SOX5: variants seen among roughly 807,000 people sequenced by gnomAD.
The protein encoded by SOX5 is SRY-box transcription factor 5.
Under a neutral mutation model 92.0 loss-of-function variants are expected in SOX5, and 9 were observed. That is an observed-to-expected ratio of 0.10 (90% CI 0.06 to 0.17). The LOEUF (loss-of-function observed/expected upper bound fraction) is 0.17, where lower values mean the gene tolerates loss of function less well. SOX5 is among the 10% of genes least tolerant of loss of function. SOX5 has a pLI of 1.00. For synonymous variants in SOX5, 344 were observed against 336.3 expected (o/e 1.02, Z -0.25); for missense variants, 642 against 944.5 (o/e 0.68, Z 4.20).
chr12:24,415,694 C>T (rs984889482), intron 1 of SOX5, among the ~76,000 whole-genome samples: 2 of 152,212 alleles, frequency 1.3e-5, no homozygotes, highest in African/African-American at 4.8e-5. Context: ...CCTAATATTA[C>T]TGTCATAGAC....
intron 3 of SOX5, among the ~76,000 whole-genome samples, chr12:24,233,875 C>T (rs1963917324): frequency 6.6e-6 from 1 of 152,138 alleles, no homozygotes; most frequent in Admixed American, 6.5e-5. Context: ...CGAGGATGAA[C>T]AGATCAAAGA....
At chr12:23,912,976 G>C (rs1474927090) in intron 1 of SOX5, among the ~76,000 whole-genome samples, 3 of 152,028 alleles carry the variant, frequency 2.0e-5, no homozygotes, top group Admixed American at 6.6e-5. Context: ...CATTAAGTGG[G>C]TAAATTTTAT....
chr12:24,457,120 C>T (rs1411971145), intron 1 of SOX5, among the ~76,000 whole-genome samples: 2 of 152,140 alleles, frequency 1.3e-5, no homozygotes, highest in Non-Finnish European at 2.9e-5. Context: ...TATACAGTAA[C>T]ACATTCCAAA....
chr12:24,335,598 C>T (rs1164443613), intron 2 of SOX5, among the ~76,000 whole-genome samples: 1 of 152,068 alleles, frequency 6.6e-6, no homozygotes, highest in African/African-American at 2.4e-5. Flanking sequence ...AGGACCTTAA[C>T]GACCATGCTG....
Position 24,006,364 on chromosome 12 carries a change from T to A in SOX5, c.-1-110340A>T, listed in dbSNP as rs573462501. On this transcript the variant is annotated intron_variant, in intron 4 of 4. Coordinates refer to the SOX5 transcript ENST00000446891. ...TGGCAAAATGCATTTCTTCTTGTTG[T>A]CCTTACTTGTGGGGTTCCATTATCC... Among the ~76,000 whole-genome samples, 3 of 152,326 alleles carry A rather than the reference T, an allele frequency of 2.0e-5. 1 individual carries two copies. Among genetic ancestry groups the A allele is most frequent in the South Asian group, 4.1e-4 (2 of 4,828 alleles).
chr12:24,546,462 C>T (rs116925343), intron 1 of SOX5, among the ~76,000 whole-genome samples: 1 of 152,314 alleles, frequency 6.6e-6, no homozygotes, highest in Non-Finnish European at 1.5e-5. Flanking sequence ...CACACAGCCT[C>T]ATCTCGGCTA....
At chr12:24,075,489 A>G (rs1002904264) in intron 4 of SOX5, among the ~76,000 whole-genome samples, 3 of 152,098 alleles carry the variant, frequency 2.0e-5, no homozygotes, top group Non-Finnish European at 4.4e-5. Context: ...AAATGTAAAA[A>G]AATATTTAGT....
At chr12:23,991,756 T>A (rs990479305) in intron 4 of SOX5, among the ~76,000 whole-genome samples, 1 of 151,784 alleles carries the variant, frequency 6.6e-6, no homozygotes, top group Non-Finnish European at 1.5e-5. Flanking sequence ...GAGGTTTTTT[T>A]TTTTTTTACT....
At chr12:23,839,957 A>G (rs978738163) in intron 3 of SOX5, among the ~76,000 whole-genome samples, 7 of 149,610 alleles carry the variant, frequency 4.7e-5, no homozygotes, top group Middle Eastern at 3.4e-3. Flanking sequence ...CTTACTCAGC[A>G]TTGTACTGAA....
At chr12:23,651,393 G>A (rs1438063702) in intron 7 of SOX5, among the ~76,000 whole-genome samples, 1 of 151,868 alleles carries the variant, frequency 6.6e-6, no homozygotes, top group Non-Finnish European at 1.5e-5. Flanking sequence ...AAACATTATT[G>A]CAGAACACAC....
Position 24,140,588 on chromosome 12 carries a change from T to C in SOX5, c.-2+72755A>G, listed in dbSNP as rs375661232. ...GAGATGTTTTATACATATTCAGATT[T>C]ACAAGGAAGTCAATGGTTTGAGTGT... On this transcript the variant is annotated intron_variant, in intron 4 of 4. Coordinates refer to the SOX5 transcript ENST00000446891. Among the ~76,000 whole-genome samples the C allele has an allele frequency of 5.9e-5, 9 of 152,298 alleles. No individual in the cohort carries two copies. In the East Asian group the frequency reaches 1.5e-3, roughly 26 times the overall value.
chr12:23,534,480 G>A lies in SOX5; in HGVS notation c.2031C>T (p.Tyr677=). The change falls in exon 15 of 15, where the codon TAC becomes TAT. Residue 677 remains tyrosine (Y), a synonymous_variant. Coordinates refer to ENST00000451604, the MANE Select transcript of SOX5 (RefSeq NM_006940.6). ...QIPIATAGVV[Y]PGAIAMAGMP... ...TCCCAGCCATGGCGATGGCTCCAGG[G>A]TACACAACACCAGCAGTGGCAATGG... 1 of 1,613,808 alleles carries A rather than the reference G, an allele frequency of 6.2e-7. No homozygotes were observed. Among genetic ancestry groups the A allele is most frequent in the South Asian group, 1.1e-5 (1 of 91,082 alleles).
intron 2 of SOX5, among the ~76,000 whole-genome samples, chr12:23,889,298 A>G (rs1017784424): frequency 2.6e-5 from 4 of 152,190 alleles, no homozygotes; most frequent in African/African-American, 9.7e-5. Context: ...GCACCATATA[A>G]AAATAGAAAT....
At chr12:24,297,083 C>A (rs139694768) in intron 2 of SOX5, among the ~76,000 whole-genome samples, 1 of 152,084 alleles carries the variant, frequency 6.6e-6, no homozygotes, top group Non-Finnish European at 1.5e-5. Context: ...TATGCTAAGT[C>A]GTTTACAGTT....
At chr12:23,899,967 TCCTTAAATG>T (rs1165552139) in intron 1 of SOX5, among the ~76,000 whole-genome samples, 3 of 152,168 alleles carry the variant, frequency 2.0e-5, no homozygotes, top group African/African-American at 4.8e-5. Flanking sequence ...GACCAGAGTA[TCCTTAAATG>T]CCTCACAGAA....
chr12:24,500,342 C>T (rs1328776183), intron 1 of SOX5, among the ~76,000 whole-genome samples: 1 of 152,008 alleles, frequency 6.6e-6, no homozygotes, highest in Non-Finnish European at 1.5e-5. Flanking sequence ...CAGAAGAATA[C>T]ATATATGTGT....
intron 4 of SOX5, among the ~76,000 whole-genome samples, chr12:24,146,281 A>G (rs1356008300): frequency 1.3e-5 from 2 of 152,132 alleles, no homozygotes; most frequent in African/African-American, 4.8e-5. Context: ...CCTACATAGT[A>G]TGTTCCCTAA....
chr12:24,127,639 A>C (rs1258516362), intron 4 of SOX5, among the ~76,000 whole-genome samples: 6 of 152,250 alleles, frequency 3.9e-5, no homozygotes, highest in Middle Eastern at 3.4e-3. Context: ...TCTTTGTTTT[A>C]CAGCCTTGAC....
Position 23,979,319 on chromosome 12 carries a change from G to T in SOX5, c.-1-83295C>A, listed in dbSNP as rs565001136. 1.3e-3 allele frequency among the ~76,000 whole-genome samples: 194 copies of T among 152,198 alleles called. 1 individual carries two copies. Among genetic ancestry groups the T allele is most frequent in the African/African-American group, 4.4e-3 (181 of 41,550 alleles). The stretch of plus-strand genomic sequence containing the variant: ...GCTCACTGCAACCTCTGCTTCCCAG[G>T]TTCAAGTGATTCTCCTGCCTTAGCC... On this transcript the variant is annotated intron_variant, in intron 4 of 4. Coordinates refer to the SOX5 transcript ENST00000446891.
Sources: gnomAD v4.1 joint callset for allele counts (sites outside exome capture counted in the v4.1 genomes callset) on GRCh38, gnomAD v4.1.1 for gene constraint, MANE v1.5 for transcripts, NCBI Gene and HGNC (gene_info 2026-07-23, HGNC 2026-07-21) for gene names.